Variants in SH3BP2 observed in about 807,000 individuals in gnomAD.
SH3BP2 encodes the protein SH3 domain binding protein 2, also known as SH3 domain-binding protein 2.
A neutral mutation model predicts 56.2 loss-of-function variants in SH3BP2; 38 were observed. The ratio of observed to expected loss-of-function variants is 0.68; its 90% CI spans 0.52 to 0.89. SH3BP2 has a LOEUF of 0.89. Ranked by LOEUF, SH3BP2 falls within the 40% of genes least tolerant of loss-of-function variation. The pLI is 0.00. For missense variants in SH3BP2, 748 were observed against 762.6 expected, an observed-to-expected ratio of 0.98 and a Z score of 0.23; for synonymous variants, 346 against 316.7, an observed-to-expected ratio of 1.09 and a Z score of -0.98.
At chr4:2,802,404 ATGTG>A (rs1175501543) in intron 1 of SH3BP2, among the ~76,000 whole-genome samples, 10,057 of 135,874 alleles carry the variant, frequency 0.074, 499 homozygotes, top group African/African-American at 0.15. Context: ...AAAAAAATAT[ATGTG>A]TGTGTGTGTG....
intron 1 of SH3BP2, among the ~76,000 whole-genome samples, chr4:2,820,039 A>C (rs370238229): frequency 4.6e-5 from 7 of 152,268 alleles, no homozygotes; most frequent in East Asian, 3.9e-4. Context: ...GGTCACGACC[A>C]CTGCTGACAA....
At chr4:2,796,860 G>A (rs1200095513) in intron 1 of SH3BP2, among the ~76,000 whole-genome samples, 1 of 152,230 alleles carries the variant, frequency 6.6e-6, no homozygotes, top group Admixed American at 6.5e-5. Flanking sequence ...CTGAGGCCGC[G>A]AGGCAGGGGC....
At chr4:2,820,839 G>A (rs1466783539) in intron 2 of SH3BP2, 86 bp downstream of exon 2, 2 of 1,414,724 alleles carry the variant, frequency 1.4e-6, no homozygotes, top group Non-Finnish European at 1.9e-6. Context: ...CCAAGCCTCT[G>A]CTTCCTCACA....
At chr4:2,809,808 T>C in intron 1 of SH3BP2, 4 of 985,612 alleles carry the variant, frequency 4.1e-6, no homozygotes, top group Non-Finnish European at 4.8e-6. Flanking sequence ...CCTGCCCTGC[T>C]GGCTGGCTCC....
intron 2 of SH3BP2, among the ~76,000 whole-genome samples, chr4:2,822,087 C>T (rs1225195030): frequency 5.3e-5 from 8 of 151,994 alleles, no homozygotes; most frequent in Non-Finnish European, 8.8e-5. Context: ...AGCCTGGTCT[C>T]GAACTCCTGA....
Position 2,832,313 on chromosome 4 carries a change from A to G in SH3BP2, c.1407-18A>G, listed in dbSNP as rs1272509758. The stretch of plus-strand genomic sequence containing the variant: ...GCCCGAGGAGGACTCACCCGCTAAT[A>G]TGACTGTCTTATTTTAGGTTGTTCA... On this transcript the variant is annotated intron_variant, in intron 10 of 12. Transcript: ENST00000503393. 2 of 1,606,722 alleles carry G rather than the reference A, an allele frequency of 1.2e-6. No homozygotes were observed. The highest frequency in any genetic ancestry group is 1.7e-6 in the Non-Finnish European group (2 of 1,173,316).
At position 2,831,911 on chromosome 4, in the gene SH3BP2, A is replaced by G; in HGVS notation, c.1351-12A>G. 6.2e-7 allele frequency: 1 copy of G among 1,612,492 alleles called. No homozygotes were observed. The highest frequency in any genetic ancestry group is 8.5e-7 in the Non-Finnish European group (1 of 1,179,904). ...CTCCGACGTTGGCACTGACACCGTC[A>G]GCCTCTTGCAGGTGCCACTGCCCAA... On this transcript the variant is annotated splice_polypyrimidine_tract_variant and intron_variant, in intron 9 of 12. Coordinates refer to ENST00000503393, the MANE Select transcript of SH3BP2 (RefSeq NM_001122681.2). This position sits in a 1 kb window ranked among gnomAD's most constrained non-coding sequence, Gnocchi z 4.1.
intron 5 of SH3BP2, among the ~76,000 whole-genome samples, 188 bp downstream of exon 5, chr4:2,825,384 A>G (rs1192918615): frequency 6.6e-6 from 1 of 152,086 alleles, no homozygotes; most frequent in East Asian, 1.9e-4. Context: ...ACAAGCACAG[A>G]TGTTCACACA....
chr4:2,830,805 G>T (rs1364870793), intron 8 of SH3BP2, among the ~76,000 whole-genome samples: 1 of 152,256 alleles, frequency 6.6e-6, no homozygotes, highest in Non-Finnish European at 1.5e-5. Context: ...AAAGGGTCCA[G>T]GAACTGGAGG....
At chr4:2,811,299 G>A (rs1274723735) in intron 1 of SH3BP2, among the ~76,000 whole-genome samples, 2 of 152,226 alleles carry the variant, frequency 1.3e-5, no homozygotes, top group Admixed American at 6.5e-5. Context: ...TCGGGGGGCC[G>A]TGCCCTAGGA....
intron 5 of SH3BP2, chr4:2,826,330 C>T (rs1332982961): frequency 9.3e-6 from 1 of 107,040 alleles, no homozygotes; most frequent in African/African-American, 4.4e-5. Flanking sequence ...ACGTGTTGCT[C>T]TGTGTTTGTG....
At chr4:2,820,874 T>C in intron 2 of SH3BP2, 121 bp downstream of exon 2, 1 of 1,172,336 alleles carries the variant, frequency 8.5e-7, no homozygotes, top group Non-Finnish European at 1.2e-6. Flanking sequence ...GATTTTCCCA[T>C]TCCCTCTCTG....
chr4:2,824,488 A>AT, intron 3 of SH3BP2, 125 bp from the exon 4 acceptor site: 2 of 664,556 alleles, frequency 3.0e-6, no homozygotes, highest in South Asian at 1.5e-5. Flanking sequence ...GCCAGGGCCC[A>AT]CCCGATCTGC....
intron 1 of SH3BP2, among the ~76,000 whole-genome samples, chr4:2,795,240 G>T (rs926346334): frequency 6.6e-6 from 1 of 152,174 alleles, no homozygotes; most frequent in African/African-American, 2.4e-5. Flanking sequence ...CTGGGTAAAG[G>T]CCAAGGCTCC....
chr4:2,806,953 C>A (rs987847661), intron 1 of SH3BP2, among the ~76,000 whole-genome samples: 1 of 152,252 alleles, frequency 6.6e-6, no homozygotes, highest in Non-Finnish European at 1.5e-5. Context: ...GGCAGCTGTG[C>A]CTACAGGGCC....
chr4:2,802,401 T>A (rs868776925), intron 1 of SH3BP2, among the ~76,000 whole-genome samples: 1 of 126,722 alleles, frequency 7.9e-6, no homozygotes, highest in Non-Finnish European at 1.6e-5. Flanking sequence ...CTCAAAAAAA[T>A]ATATGTGTGT....
At chr4:2,794,030 CT>C (rs1285554979) in intron 1 of SH3BP2, 1 of 152,324 alleles carries the variant, frequency 6.6e-6, no homozygotes, top group African/African-American at 2.4e-5. Flanking sequence ...TCTGTTGACA[CT>C]GGGGACAGCT....
At chr4:2,807,808 G>T (rs1723592655) in intron 1 of SH3BP2, among the ~76,000 whole-genome samples, 1 of 152,234 alleles carries the variant, frequency 6.6e-6, no homozygotes, top group Admixed American at 6.5e-5. Flanking sequence ...CCTGGCGGGT[G>T]TGGGTCAGGC....
At chr4:2,823,068 G>A (rs768942093) in intron 3 of SH3BP2, 31 bp downstream of exon 3, 1 of 1,504,266 alleles carries the variant, frequency 6.6e-7, no homozygotes, top group African/African-American at 1.4e-5. Flanking sequence ...CTGACCTCGG[G>A]CCCCCACAGC....
Sources: allele counts gnomAD v4.1 joint callset (sites outside exome capture counted in the v4.1 genomes callset), GRCh38; gene constraint gnomAD v4.1.1; non-coding constraint Gnocchi (gnomAD v3.1); transcripts MANE v1.5; gene names NCBI Gene and HGNC (gene_info 2026-07-23, HGNC 2026-07-21).